The following UNC13C variants were observed in gnomAD, a reference collection of about 807,000 sequenced individuals.
UNC13C encodes protein unc-13 homolog C.
A neutral mutation model predicts 245.4 loss-of-function variants in UNC13C; 174 were observed. The observed-to-expected ratio is 0.71, with a 90% CI of 0.63 to 0.80. The LOEUF is 0.80. Among genes scored for constraint, UNC13C ranks in the 30% least tolerant of loss-of-function variants. The pLI is 0.00. For synonymous variants in UNC13C, 992 were observed against 895.1 expected, an observed-to-expected ratio of 1.11 and a Z score of -1.93; for missense variants, 2,829 against 2,602.9, an observed-to-expected ratio of 1.09 and a Z score of -1.89.
intron 19 of UNC13C, among the ~76,000 whole-genome samples, chr15:54,487,418 C>T (rs1893471116): frequency 6.6e-6 from 1 of 151,628 alleles, no homozygotes; most frequent in Admixed American, 6.6e-5. Context: ...TTTTTCTTAC[C>T]CTACAAAAAT....
At chr15:54,251,854 A>G (rs552115925) in intron 8 of UNC13C, among the ~76,000 whole-genome samples, 2 of 152,316 alleles carry the variant, frequency 1.3e-5, no homozygotes, top group African/African-American at 4.8e-5. Context: ...TCACGATCAC[A>G]TACATTCTTA....
chr15:54,209,254 T>G (rs2034806130), intron 4 of UNC13C, among the ~76,000 whole-genome samples: 1 of 152,108 alleles, frequency 6.6e-6, no homozygotes, highest in South Asian at 2.1e-4. Flanking sequence ...TATTTGAAGT[T>G]CTGTATTAAC....
chr15:54,630,726 C>T (rs1247276600), downstream of UNC13C: 1 of 152,108 alleles, frequency 6.6e-6, no homozygotes, highest in Non-Finnish European at 1.5e-5. Flanking sequence ...CTCCACTGAT[C>T]ACTCTTCTCT....
At chr15:54,601,520 A>G (rs970826897) in intron 30 of UNC13C, among the ~76,000 whole-genome samples, 9 of 152,218 alleles carry the variant, frequency 5.9e-5, no homozygotes, top group African/African-American at 2.2e-4. Flanking sequence ...AATGTGGGCA[A>G]AGTGGTGTAG....
chr15:54,131,892 C>T (rs1040589190), intron 2 of UNC13C, among the ~76,000 whole-genome samples: 6 of 152,008 alleles, frequency 3.9e-5, no homozygotes, highest in African/African-American at 1.2e-4. Flanking sequence ...TTTACTCTGC[C>T]AGGAATACCT....
chr15:54,031,342 G>A (rs1468217905), intron 2 of UNC13C, among the ~76,000 whole-genome samples: 1 of 152,148 alleles, frequency 6.6e-6, no homozygotes, highest in Non-Finnish European at 1.5e-5. Context: ...TCCTGCCTCA[G>A]CCTCCTGAGT....
chr15:54,413,899 G>GTA (rs1365606305), intron 18 of UNC13C, among the ~76,000 whole-genome samples: 6 of 152,102 alleles, frequency 3.9e-5, no homozygotes, highest in East Asian at 3.9e-4. Flanking sequence ...GTGCAAGTCT[G>GTA]TATATATATA....
intron 2 of UNC13C, among the ~76,000 whole-genome samples, chr15:54,085,981 GT>G (rs1899217861): frequency 6.6e-6 from 1 of 152,178 alleles, no homozygotes; most frequent in Non-Finnish European, 1.5e-5. Context: ...GTGATACAGA[GT>G]GATATTTCAA....
chr15:54,493,532 G>A (rs995245661), intron 19 of UNC13C, among the ~76,000 whole-genome samples: 2 of 152,020 alleles, frequency 1.3e-5, no homozygotes, highest in African/African-American at 2.4e-5. Flanking sequence ...CTATATTCCG[G>A]TTTTGAAAAG....
intron 24 of UNC13C, among the ~76,000 whole-genome samples, chr15:54,519,715 A>G (rs1271760888): frequency 1.3e-5 from 2 of 152,188 alleles, no homozygotes; most frequent in South Asian, 2.1e-4. Flanking sequence ...ACAGGGTAGT[A>G]TGGTTAGAGC....
At chr15:54,127,571 G>A (rs1209480949) in intron 2 of UNC13C, among the ~76,000 whole-genome samples, 1 of 151,732 alleles carries the variant, frequency 6.6e-6, no homozygotes, top group South Asian at 2.1e-4. Context: ...TGGGGGACTA[G>A]GGAAGGGATA....
chr15:54,305,275 C>T (rs1345393802), intron 13 of UNC13C, among the ~76,000 whole-genome samples: 1 of 151,990 alleles, frequency 6.6e-6, no homozygotes, highest in East Asian at 1.9e-4. Flanking sequence ...TTTAATTGAG[C>T]TGATATAGGG....
intron 23 of UNC13C, among the ~76,000 whole-genome samples, chr15:54,508,742 T>C (rs1232024788): frequency 6.6e-6 from 1 of 152,186 alleles, no homozygotes; most frequent in African/African-American, 2.4e-5. Context: ...TCCATGAGTA[T>C]ATATAGTTAC....
chr15:54,445,943 T>G (rs1890789730), intron 19 of UNC13C, among the ~76,000 whole-genome samples: 1 of 152,216 alleles, frequency 6.6e-6, no homozygotes, highest in East Asian at 1.9e-4. Context: ...ATTTAAGTCT[T>G]TAATCCATCT....
Position 54,602,568 on chromosome 15 carries a change from C to G in UNC13C, c.6107-19759C>G, listed in dbSNP as rs959887322. 2.0e-5 allele frequency among the ~76,000 whole-genome samples: 3 copies of G among 152,078 alleles called. No homozygotes were observed. In the South Asian group the frequency reaches 6.2e-4, roughly 32 times the overall value. On this transcript the variant is annotated intron_variant, in intron 30 of 32. Coordinates refer to ENST00000260323, the MANE Select transcript of UNC13C (RefSeq NM_001080534.3). ...TATTTTAGAGGATGCTCTAAGTTTTCTTTTTATTTTGAGATTATTAATAGA... is the reference window on the plus strand; with the variant it reads ...TATTTTAGAGGATGCTCTAAGTTTTGTTTTTATTTTGAGATTATTAATAGA...
chr15:54,552,280 A>G (rs2141186261), intron 28 of UNC13C, among the ~76,000 whole-genome samples: 1 of 133,620 alleles, frequency 7.5e-6, no homozygotes, highest in South Asian at 2.2e-4. Context: ...ATATAAAATT[A>G]TGTATTATAT....
At chr15:54,143,077 CT>C in intron 3 of UNC13C, 37 bp downstream of exon 3, 1 of 1,590,650 alleles carries the variant, frequency 6.3e-7, no homozygotes, top group African/African-American at 1.3e-5. Flanking sequence ...CCTGAGGAAT[CT>C]TGTCTTTTGT....
At chr15:54,175,898 C>G (rs949619421) in intron 4 of UNC13C, among the ~76,000 whole-genome samples, 35 of 152,124 alleles carry the variant, frequency 2.3e-4, no homozygotes, top group African/African-American at 7.7e-4. Context: ...AAACCACATA[C>G]TGGTCTATAC....
At chr15:54,549,986 A>G (rs1432755428) in intron 28 of UNC13C, among the ~76,000 whole-genome samples, 1 of 152,218 alleles carries the variant, frequency 6.6e-6, no homozygotes, top group African/African-American at 2.4e-5. Flanking sequence ...CTTCAAACCA[A>G]GAAACACAGT....
Sources: gnomAD v4.1 joint callset for allele counts (sites outside exome capture counted in the v4.1 genomes callset) on GRCh38, gnomAD v4.1.1 for gene constraint, MANE v1.5 for transcripts, NCBI Gene and HGNC (gene_info 2026-07-23, HGNC 2026-07-21) for gene names.